Variants in KAT6A observed in about 807,000 individuals in gnomAD.
The protein encoded by KAT6A is lysine acetyltransferase 6A, also known as histone acetyltransferase KAT6A.
A neutral mutation model predicts 198.4 loss-of-function variants in KAT6A; 9 were observed. The observed-to-expected ratio is 0.05, with a 90% CI of 0.03 to 0.08. The LOEUF (loss-of-function observed/expected upper bound fraction) is 0.08. Ranked by LOEUF, KAT6A falls within the 10% of genes least tolerant of loss-of-function variation. The pLI is 1.00. For synonymous variants in KAT6A, 890 were observed against 883.0 expected, an observed-to-expected ratio of 1.01 and a Z score of -0.14; for missense variants, 2,077 against 2,509.9, an observed-to-expected ratio of 0.83 and a Z score of 3.69.
intron 2 of KAT6A, among the ~76,000 whole-genome samples, chr8:41,988,218 G>A (rs1458858151): frequency 6.6e-6 from 1 of 152,150 alleles, no homozygotes; most frequent in Non-Finnish European, 1.5e-5. Flanking sequence ...GGTAGTATAA[G>A]TAGCATAGAC....
chr8:42,018,835 A>G (rs1202187349), intron 2 of KAT6A, among the ~76,000 whole-genome samples: 1 of 151,934 alleles, frequency 6.6e-6, no homozygotes, highest in African/African-American at 2.4e-5. Flanking sequence ...GCCGGAGAAT[A>G]GCCTGAACTG....
intron 8 of KAT6A, among the ~76,000 whole-genome samples, chr8:41,962,200 C>G (rs1823234602): frequency 6.6e-6 from 1 of 152,054 alleles, no homozygotes. Context: ...GTGATCTCAT[C>G]TAGTCTCATT....
chr8:41,957,196 C>T (rs377754057), intron 8 of KAT6A: 4 of 587,022 alleles, frequency 6.8e-6, no homozygotes, highest in African/African-American at 5.5e-5. Flanking sequence ...CAGAATGGGA[C>T]CTGTGGTAGG....
intron 8 of KAT6A, among the ~76,000 whole-genome samples, chr8:41,967,734 G>C (rs1457026206): frequency 6.6e-6 from 1 of 152,044 alleles, no homozygotes; most frequent in Non-Finnish European, 1.5e-5. Context: ...CTTTGCTATT[G>C]TGAATAGTGC....
rs1012744170 is a variant in KAT6A at position 42,051,895 on chromosome 8, A to C, written c.-326+6T>G. The C allele has an allele frequency of 6.7e-6, 1 of 148,754 alleles. No homozygotes were observed. The highest frequency in any genetic ancestry group is 2.0e-4 in the East Asian group (1 of 4,930). 9.2% of individuals were successfully genotyped at this position (148,754 alleles called of 1,614,324 possible). A position where few individuals can be genotyped will look rare whatever the true frequency, so the allele number is the denominator to read the frequency against. On this transcript the variant is annotated splice_donor_region_variant and intron_variant, in intron 1 of 16. Transcript: ENST00000265713. ...GGCGGCCGGGAACGGCCCCTCGGCTACTTACCGGGAGGAAGGACAGCCGAG... is the reference window on the plus strand; with the variant it reads ...GGCGGCCGGGAACGGCCCCTCGGCTCCTTACCGGGAGGAAGGACAGCCGAG...
intron 8 of KAT6A, among the ~76,000 whole-genome samples, chr8:41,973,351 G>C (rs546592049): frequency 6.6e-6 from 1 of 151,620 alleles, no homozygotes; most frequent in African/African-American, 2.4e-5. Context: ...TCAGCCTCCC[G>C]AGTAGCTGGG....
At chr8:41,948,451 T>C (rs564738569) in intron 10 of KAT6A, among the ~76,000 whole-genome samples, 1 of 152,158 alleles carries the variant, frequency 6.6e-6, no homozygotes, top group South Asian at 2.1e-4. Context: ...CCTCAAGCAA[T>C]CATGTGGTAA....
rs533115158 is a variant in KAT6A, at chr8:41,995,387, G to A, written c.601-7824C>T. ...CCAATATTGTGTACCTTGTGTCGTC[G>A]GTTGCCCTACATCTCCTTTAAGCAC... On this transcript the variant is annotated intron_variant, in intron 2 of 16. Coordinates refer to ENST00000265713, the MANE Select transcript of KAT6A (RefSeq NM_006766.5). Among the ~76,000 whole-genome samples the A allele has an allele frequency of 2.6e-5, 4 of 152,224 alleles. 1 individual carries two copies. Among genetic ancestry groups the A allele is most frequent in the East Asian group, 3.9e-4 (2 of 5,168 alleles).
At chr8:42,036,062 C>T (rs1189623685) in intron 2 of KAT6A, among the ~76,000 whole-genome samples, 1 of 151,956 alleles carries the variant, frequency 6.6e-6, no homozygotes, top group Non-Finnish European at 1.5e-5. Flanking sequence ...GAAATAAGCA[C>T]AGATGTATTT....
intron 15 of KAT6A, among the ~76,000 whole-genome samples, chr8:41,939,571 C>T (rs1305627310): frequency 6.6e-6 from 1 of 152,130 alleles, no homozygotes; most frequent in Non-Finnish European, 1.5e-5. Flanking sequence ...CCAACAGGTA[C>T]CCTTTAATTA....
intron 16 of KAT6A, 102 bp from the exon 17 acceptor site, chr8:41,934,969 C>A: frequency 1.0e-6 from 1 of 954,632 alleles, no homozygotes; most frequent in South Asian, 1.7e-5. Context: ...CTTTATTAAT[C>A]ATTACTTTTA....
At chr8:42,029,018 C>G (rs1826978432) in intron 2 of KAT6A, among the ~76,000 whole-genome samples, 1 of 151,974 alleles carries the variant, frequency 6.6e-6, no homozygotes, top group South Asian at 2.1e-4. Context: ...TTTTTCTTAT[C>G]TGGGAAAGAA....
At chr8:42,030,303 C>A (rs1276033658) in intron 2 of KAT6A, among the ~76,000 whole-genome samples, 1 of 152,178 alleles carries the variant, frequency 6.6e-6, no homozygotes, top group East Asian at 1.9e-4. Flanking sequence ...TACCTGTTCT[C>A]CACACTGGGG....
At position 41,933,122 on chromosome 8, in the gene KAT6A, G is replaced by T; in HGVS notation, c.5098C>A (p.Pro1700Thr). The change falls in exon 17 of 17, where the codon CCC becomes ACC. Residue 1700 changes from proline (P) to threonine (T), a missense_variant. Pro to Thr is a conservative substitution (Grantham distance 38). This residue lies in a region of KAT6A where 500 missense variants were observed against 577.2 expected (regional missense o/e 0.87). Transcript: ENST00000265713. The surrounding 1 kb of genome is among the most constrained non-coding windows in gnomAD (Gnocchi z 6.2). ...TTCATACTACACTGTGACAGCGGGGGCTGCTGCTGGGGAGGGGGTGGGGGT... is the reference window on the plus strand; with the variant it reads ...TTCATACTACACTGTGACAGCGGGGTCTGCTGCTGGGGAGGGGGTGGGGGT... ...PPPPPPPQQQ[P>T]PLSQCSMNNS... The T allele has an allele frequency of 1.2e-6, 2 of 1,607,078 alleles. No homozygotes were observed. The highest frequency in any genetic ancestry group is 1.7e-6 in the Non-Finnish European group (2 of 1,178,664).
rs555392181 is a variant in KAT6A at position 41,930,728 on chromosome 8, ATTTTTTTTTTTTTTT to A, written c.*1462_*1476del. The stretch of plus-strand genomic sequence containing the variant: ...TGTGTGTGTATATATATATATATAT[ATTTTTTTTTTTTTTT>A]TTTTTTTTTTTACCTATCCCTGGAG... On this transcript the variant is annotated 3_prime_UTR_variant, in exon 17 of 17. Transcript: ENST00000265713. 1 of 67,564 alleles carries A rather than the reference ATTTTTTTTTTTTTTT, an allele frequency of 1.5e-5. No individual in the cohort carries two copies. Among genetic ancestry groups the A allele is most frequent in the Admixed American group, 2.4e-4 (1 of 4,188 alleles). 4.2% of individuals were successfully genotyped at this position (67,564 alleles called of 1,614,324 possible). A position where few individuals can be genotyped will look rare whatever the true frequency, so the allele number is the denominator to read the frequency against.
At chr8:41,988,487 C>G (rs1038023474) in intron 2 of KAT6A, among the ~76,000 whole-genome samples, 9 of 151,912 alleles carry the variant, frequency 5.9e-5, no homozygotes, top group African/African-American at 2.2e-4. Context: ...TTTACAGAAC[C>G]AGGAGATAAT....
Position 41,940,900 on chromosome 8 carries a change from G to A in KAT6A, c.2981C>T (p.Pro994Leu), listed in dbSNP as rs780456616. 2.2e-5 allele frequency: 36 copies of A among 1,613,868 alleles called. No individual in the cohort carries two copies. The African/African-American group carries it at 2.5e-4, about 11-fold the overall frequency. Residue 994 changes from proline to leucine, a missense_variant, in exon 15 of 17, where the codon CCG becomes CTG. This residue lies in a region of KAT6A where 301 missense variants were observed against 272.2 expected (regional missense o/e 1.11). Coordinates refer to ENST00000265713, the MANE Select transcript of KAT6A (RefSeq NM_006766.5). The stretch of plus-strand genomic sequence containing the variant: ...TGGCGAGCTTGACCGAGGGCTTTCC[G>A]GCTCCTCCTCCTCCTCGCTGCTCTC... ...FSESSEEEEE[P>L]ESPRSSSPPI...
At chr8:42,016,833 A>C (rs925294050) in intron 2 of KAT6A, among the ~76,000 whole-genome samples, 1 of 152,108 alleles carries the variant, frequency 6.6e-6, no homozygotes, top group Admixed American at 6.6e-5. Context: ...AAACTTAACA[A>C]ACACAGTTTT....
At chr8:42,038,286 C>A (rs187004064) in intron 2 of KAT6A, among the ~76,000 whole-genome samples, 2 of 152,252 alleles carry the variant, frequency 1.3e-5, no homozygotes, top group Non-Finnish European at 2.9e-5. Flanking sequence ...TAGCCAACAA[C>A]ATAAGAAAAC....
Sources: gnomAD v4.1 joint callset for allele counts (sites outside exome capture counted in the v4.1 genomes callset) on GRCh38, gnomAD v4.1.1 for gene constraint, gnomAD v4.1.1 regional missense constraint, Gnocchi (gnomAD v3.1) non-coding constraint, MANE v1.5 for transcripts, NCBI Gene and HGNC (gene_info 2026-07-23, HGNC 2026-07-21) for gene names.